Variants in HECW1 observed in about 807,000 individuals in gnomAD.
The protein encoded by HECW1 is HECT, C2 and WW domain containing E3 ubiquitin protein ligase 1.
HECW1 carries 61 observed loss-of-function variants against 182.3 expected under a neutral mutation model. The observed-to-expected ratio is 0.33, with a 90% CI of 0.27 to 0.41. The LOEUF (loss-of-function observed/expected upper bound fraction) is 0.41. Ranked by LOEUF, HECW1 falls within the 10% of genes least tolerant of loss-of-function variation. The pLI is 1.00. For missense variants in HECW1, 1,739 were observed against 2,108.9 expected (o/e 0.82, Z 3.44); for synonymous variants, 859 against 832.6 (o/e 1.03, Z -0.55).
intron 24 of HECW1, chr7:43,509,489 A>G (rs1353802982): frequency 5.9e-6 from 1 of 170,776 alleles, no homozygotes; most frequent in Admixed American, 6.1e-5. Flanking sequence ...ACCTTGGACC[A>G]GTGGCTTTAG....
rs1400556939 is a variant in HECW1 at position 43,281,680 on chromosome 7, CCTCTTTCTTTTTCTGTT to C, written c.28-30072_28-30056del. On this transcript the variant is annotated intron_variant, in intron 3 of 29. Transcript: ENST00000395891. ...AGCTCTGCCTTCAGAATTAGATCCT[CCTCTTTCTTTTTCTGTT>C]CTCTTTCTTTGCTTTCTTTTTTTTT... 3.3e-5 allele frequency among the ~76,000 whole-genome samples: 5 copies of C among 150,818 alleles called. No individual in the cohort carries two copies. In the East Asian group the frequency reaches 9.7e-4, roughly 29 times the overall value.
chr7:43,444,868 C>G lies in HECW1; in HGVS notation c.1696C>G (p.Leu566Val). 3 of 1,610,764 alleles carry G rather than the reference C, an allele frequency of 1.9e-6. No individual in the cohort carries two copies. The highest frequency in any genetic ancestry group is 2.5e-6 in the Non-Finnish European group (3 of 1,178,008). The change falls in exon 11 of 30, where the codon CTG (leucine) becomes GTG (valine). Residue 566 changes from leucine (L) to valine (V), a missense_variant. By Grantham distance (32) the Leu-to-Val change is conservative. Transcript: ENST00000395891. This position sits in a 1 kb window ranked among gnomAD's most constrained non-coding sequence, Gnocchi z 4.3. ...PRTHYIRIHTLLHSMPSAQGG... is the reference protein window; with the variant it reads ...PRTHYIRIHTVLHSMPSAQGG... ...GACACACTACATCCGCATCCACACC[C>G]TGCTGCACAGCATGCCCTCCGCCCA...
At chr7:43,194,237 A>G (rs1264253908) in intron 2 of HECW1, among the ~76,000 whole-genome samples, 1 of 151,824 alleles carries the variant, frequency 6.6e-6, no homozygotes, top group East Asian at 1.9e-4. Context: ...TTGGAATTCT[A>G]TTTTTTTGGT....
chr7:43,324,909 C>T (rs1810583590), intron 5 of HECW1, among the ~76,000 whole-genome samples: 1 of 151,832 alleles, frequency 6.6e-6, no homozygotes, highest in Non-Finnish European at 1.5e-5. Flanking sequence ...TGCAGATGAC[C>T]TGGAGTCTGC....
At chr7:43,524,052 A>C (rs2080651488) in intron 24 of HECW1, among the ~76,000 whole-genome samples, 2 of 152,308 alleles carry the variant, frequency 1.3e-5, no homozygotes, top group South Asian at 2.1e-4. Context: ...CTCAAATTTT[A>C]GTCGGCAACT....
intron 2 of HECW1, among the ~76,000 whole-genome samples, chr7:43,117,360 T>C (rs1785140288): frequency 6.6e-6 from 1 of 152,102 alleles, no homozygotes; most frequent in African/African-American, 2.4e-5. Context: ...CTTCTTTAGC[T>C]CCACTCAACT....
At chr7:43,494,069 C>G (rs1003751299) in intron 19 of HECW1, among the ~76,000 whole-genome samples, 1 of 152,188 alleles carries the variant, frequency 6.6e-6, no homozygotes, top group African/African-American at 2.4e-5. Flanking sequence ...CCGACTTCCT[C>G]GGGGAATCAC....
At chr7:43,378,693 C>T (rs563672250) in intron 6 of HECW1, among the ~76,000 whole-genome samples, 5 of 152,208 alleles carry the variant, frequency 3.3e-5, no homozygotes, top group Admixed American at 3.3e-4. Context: ...GTAATCCCAG[C>T]TACTCAGGAG....
At chr7:43,365,970 G>A (rs538355829) in intron 6 of HECW1, among the ~76,000 whole-genome samples, 66 of 152,194 alleles carry the variant, frequency 4.3e-4, no homozygotes, top group Non-Finnish European at 8.8e-4. Flanking sequence ...CAGCATGGTG[G>A]TGCATGTCTG....
chr7:43,231,676 TC>T (rs1797885524), intron 2 of HECW1, among the ~76,000 whole-genome samples: 1 of 151,936 alleles, frequency 6.6e-6, no homozygotes, highest in Non-Finnish European at 1.5e-5. Context: ...AGGAACCAAG[TC>T]CCGGTGGCAG....
chr7:43,123,018 G>C (rs1187208941), intron 2 of HECW1, among the ~76,000 whole-genome samples: 1 of 152,192 alleles, frequency 6.6e-6, no homozygotes, highest in African/African-American at 2.4e-5. Context: ...GGTTAAAGGT[G>C]AAAATGTCCA....
intron 5 of HECW1, among the ~76,000 whole-genome samples, chr7:43,333,354 G>A (rs558239935): frequency 6.6e-6 from 1 of 152,312 alleles, no homozygotes; most frequent in African/African-American, 2.4e-5. Context: ...CACATTAAAA[G>A]AAAAGGCAAC....
chr7:43,280,296 C>T (rs1041985551), intron 3 of HECW1, among the ~76,000 whole-genome samples: 21 of 152,094 alleles, frequency 1.4e-4, no homozygotes, highest in Non-Finnish European at 2.9e-4. Flanking sequence ...GATGGAGTGG[C>T]GATTCCACCA....
At chr7:43,388,944 G>A (rs988474886) in intron 6 of HECW1, among the ~76,000 whole-genome samples, 1 of 152,210 alleles carries the variant, frequency 6.6e-6, no homozygotes, top group African/African-American at 2.4e-5. Flanking sequence ...AGGCCGAGGG[G>A]ACAGCTGGCT....
intron 2 of HECW1, among the ~76,000 whole-genome samples, chr7:43,158,721 C>T (rs921406655): frequency 1.3e-5 from 2 of 152,202 alleles, no homozygotes; most frequent in African/African-American, 4.8e-5. Flanking sequence ...CATTCCCACC[C>T]AGCTACCTCT....
chr7:43,393,896 A>G (rs1253131113), intron 6 of HECW1, among the ~76,000 whole-genome samples: 2 of 152,218 alleles, frequency 1.3e-5, no homozygotes, highest in Admixed American at 1.3e-4. Flanking sequence ...CTATACTTTT[A>G]AAAAATATAC....
intron 2 of HECW1, among the ~76,000 whole-genome samples, chr7:43,157,196 T>G (rs1177260338): frequency 3.3e-5 from 5 of 152,210 alleles, no homozygotes; most frequent in Non-Finnish European, 4.4e-5. Flanking sequence ...TGGGACACAT[T>G]AAACATTGTG....
chr7:43,137,110 C>G (rs538986863), intron 2 of HECW1, among the ~76,000 whole-genome samples: 1 of 152,310 alleles, frequency 6.6e-6, no homozygotes, highest in South Asian at 2.1e-4. Flanking sequence ...CAGAATTCCA[C>G]TTTCCCTCCT....
chr7:43,280,844 T>C (rs1483843164), intron 3 of HECW1, among the ~76,000 whole-genome samples: 1 of 152,098 alleles, frequency 6.6e-6, no homozygotes, highest in Non-Finnish European at 1.5e-5. Context: ...TCTTGCTCAC[T>C]AGGAGCAAAT....
Sources: gnomAD v4.1 joint callset for allele counts (sites outside exome capture counted in the v4.1 genomes callset) on GRCh38, gnomAD v4.1.1 for gene constraint, Gnocchi (gnomAD v3.1) non-coding constraint, MANE v1.5 for transcripts, NCBI Gene and HGNC (gene_info 2026-07-23, HGNC 2026-07-21) for gene names.